NXPE4: variants seen among roughly 807,000 people sequenced by gnomAD.
NXPE4 encodes the protein NXPE family member 4.
A neutral mutation model predicts 33.3 loss-of-function variants in NXPE4; 42 were observed. That is an observed-to-expected ratio of 1.26 (90% CI 0.98 to 1.63). The LOEUF is 1.63. Ranked by LOEUF, NXPE4 falls within the 40% of genes most tolerant of loss-of-function variation. NXPE4 has a pLI of 0.00. For synonymous variants in NXPE4, 253 were observed against 234.9 expected (o/e 1.08, Z -0.71); for missense variants, 709 against 647.6 (o/e 1.09, Z -1.03).
chr11:114,616,469 T>C, the NXPE4 span, among the ~76,000 whole-genome samples: 1 of 151,754 alleles, frequency 6.6e-6, no homozygotes, highest in Non-Finnish European at 1.5e-5. Flanking sequence ...CAATGGATAA[T>C]AAGTGTTGCC....
chr11:114,597,244 C>T (rs1397858595), upstream of NXPE4, among the ~76,000 whole-genome samples: 1 of 151,826 alleles, frequency 6.6e-6, no homozygotes, highest in East Asian at 1.9e-4. Context: ...GTTTGATTAG[C>T]CCAATAGAAG....
chr11:114,578,622 G>C (rs1267214599), intron 5 of NXPE4, among the ~76,000 whole-genome samples: 1 of 152,172 alleles, frequency 6.6e-6, no homozygotes, highest in East Asian at 1.9e-4. Context: ...TTCTAAGTTT[G>C]AGATCATGAG....
chr11:114,581,427 AG>A (rs751054067), intron 4 of NXPE4, among the ~76,000 whole-genome samples: 15 of 152,152 alleles, frequency 9.9e-5, no homozygotes, highest in Non-Finnish European at 1.6e-4. Context: ...GAGGTAAAGA[AG>A]TGGGTATAGA....
At chr11:114,631,830 G>A in the NXPE4 span, among the ~76,000 whole-genome samples, 10 of 150,860 alleles carry the variant, frequency 6.6e-5, no homozygotes, top group South Asian at 2.1e-4. Context: ...ATGGGTAACC[G>A]ATGTTACCCG....
intron 5 of NXPE4, among the ~76,000 whole-genome samples, chr11:114,575,056 G>T (rs572394026): frequency 2.6e-5 from 4 of 152,188 alleles, no homozygotes; most frequent in Admixed American, 1.3e-4. Context: ...GTCAATAAAT[G>T]TGATACACCA....
At chr11:114,659,487 G>C in the NXPE4 span, among the ~76,000 whole-genome samples, 1 of 151,060 alleles carries the variant, frequency 6.6e-6, no homozygotes, top group Non-Finnish European at 1.5e-5. Context: ...GATTACCCTA[G>C]AGATGTGAAA....
chr11:114,662,808 C>T, the NXPE4 span, among the ~76,000 whole-genome samples: 2 of 152,096 alleles, frequency 1.3e-5, no homozygotes, highest in South Asian at 4.1e-4. Flanking sequence ...CAGAAGGGAA[C>T]CTGCTGCCTC....
chr11:114,621,357 A>G, the NXPE4 span, among the ~76,000 whole-genome samples: 1 of 151,494 alleles, frequency 6.6e-6, no homozygotes. Flanking sequence ...TCGTTAGTAA[A>G]TACTGTTATC....
chr11:114,669,550 C>T, the NXPE4 span, among the ~76,000 whole-genome samples: 418 of 152,184 alleles, frequency 2.7e-3, no homozygotes, highest in African/African-American at 8.8e-3. Flanking sequence ...ACTTATAGAG[C>T]AGAAGCACTT....
At chr11:114,581,649 C>T (rs1188013889) in intron 4 of NXPE4, 76 bp downstream of exon 4, 1 of 1,241,940 alleles carries the variant, frequency 8.1e-7, no homozygotes, top group African/African-American at 1.5e-5. Context: ...AAACAGTGAA[C>T]AAATCCAGTA....
chr11:114,614,906 C>T, the NXPE4 span, among the ~76,000 whole-genome samples: 2 of 151,774 alleles, frequency 1.3e-5, no homozygotes, highest in African/African-American at 4.8e-5. Flanking sequence ...AGGGTAATCA[C>T]TGTTACCCAG....
At chr11:114,634,614 T>C in the NXPE4 span, among the ~76,000 whole-genome samples, 1 of 152,068 alleles carries the variant, frequency 6.6e-6, no homozygotes, top group African/African-American at 2.4e-5. Context: ...ATTTAAGTCT[T>C]TAATACATTT....
intron 2 of NXPE4, among the ~76,000 whole-genome samples, chr11:114,594,191 T>C (rs1312332194): frequency 6.6e-6 from 1 of 152,136 alleles, no homozygotes; most frequent in African/African-American, 2.4e-5. Flanking sequence ...ATTGTCTTGT[T>C]TGTAGCACAA....
chr11:114,656,719 T>G, the NXPE4 span, among the ~76,000 whole-genome samples: 2 of 152,130 alleles, frequency 1.3e-5, no homozygotes, highest in African/African-American at 4.8e-5. Flanking sequence ...AATCATGAAA[T>G]TAATTATATG....
the NXPE4 span, among the ~76,000 whole-genome samples, chr11:114,625,311 A>G: frequency 2.0e-5 from 3 of 152,062 alleles, no homozygotes; most frequent in Non-Finnish European, 4.4e-5. Context: ...CCAGTGGATA[A>G]TAAGTGTTGC....
At chr11:114,594,891 T>C (rs967449795) in intron 1 of NXPE4, 122 bp from the exon 2 acceptor site, 18 of 584,686 alleles carry the variant, frequency 3.1e-5, no homozygotes, top group East Asian at 2.3e-4. Context: ...GATAAATAAC[T>C]CCCAGAAATA....
chr11:114,599,938 G>T (rs1421499405), upstream of NXPE4, among the ~76,000 whole-genome samples: 1 of 151,992 alleles, frequency 6.6e-6, no homozygotes. Flanking sequence ...AAAAATCTAT[G>T]AGTTCATATC....
intron 5 of NXPE4, among the ~76,000 whole-genome samples, chr11:114,578,693 G>C (rs1253424850): frequency 1.3e-5 from 2 of 152,194 alleles, no homozygotes; most frequent in Non-Finnish European, 2.9e-5. Context: ...TCAGTGATGA[G>C]AGCCAGGATC....
the NXPE4 span, among the ~76,000 whole-genome samples, chr11:114,601,793 T>TA: frequency 1.4e-4 from 10 of 69,020 alleles, no homozygotes; most frequent in African/African-American, 6.5e-4. Flanking sequence ...TAACATGTGA[T>TA]ATATGATTAT....
Sources: gnomAD v4.1 joint callset for allele counts (sites outside exome capture counted in the v4.1 genomes callset) on GRCh38, gnomAD v4.1.1 for gene constraint, MANE v1.5 for transcripts, NCBI Gene and HGNC (gene_info 2026-07-23, HGNC 2026-07-21) for gene names.